EIF4E3: variants seen among roughly 807,000 people sequenced by gnomAD.
The protein encoded by EIF4E3 is eukaryotic translation initiation factor 4E family member 3, also known as eukaryotic translation initiation factor 4E type 3.
A neutral mutation model predicts 31.7 loss-of-function variants in EIF4E3; 26 were observed. The ratio of observed to expected loss-of-function variants is 0.82; its 90% CI spans 0.60 to 1.14. EIF4E3 has a LOEUF of 1.14. Among genes scored for constraint, EIF4E3 ranks in the 50% most tolerant of loss-of-function variants. EIF4E3 has a pLI of 0.00. For synonymous variants in EIF4E3, 128 were observed against 107.7 expected (o/e 1.19, Z -1.17); for missense variants, 304 against 270.9 (o/e 1.12, Z -0.86).
chr3:71,722,160 T>C (rs772498733), intron 1 of EIF4E3, among the ~76,000 whole-genome samples: 3 of 152,116 alleles, frequency 2.0e-5, no homozygotes, highest in South Asian at 2.1e-4. Context: ...ACTGGAAGGA[T>C]AGACTTGCTC....
chr3:71,719,267 T>C (rs1445442519), intron 1 of EIF4E3, among the ~76,000 whole-genome samples: 2 of 152,182 alleles, frequency 1.3e-5, no homozygotes, highest in African/African-American at 4.8e-5. Context: ...GACTGGTAAA[T>C]AATATACTCA....
At chr3:71,666,013 G>A in the EIF4E3 span, among the ~76,000 whole-genome samples, 3 of 152,076 alleles carry the variant, frequency 2.0e-5, no homozygotes, top group Non-Finnish European at 2.9e-5. Context: ...ACCTAAAATC[G>A]ACACCCTAAC....
At chr3:71,749,029 G>A (rs1421673071) in intron 1 of EIF4E3, among the ~76,000 whole-genome samples, 1 of 152,232 alleles carries the variant, frequency 6.6e-6, no homozygotes, top group East Asian at 1.9e-4. Flanking sequence ...TTAAATCATG[G>A]TTAGCCAAGA....
At chr3:71,717,818 A>C (rs962511697) in intron 1 of EIF4E3, among the ~76,000 whole-genome samples, 2 of 152,326 alleles carry the variant, frequency 1.3e-5, no homozygotes, top group Non-Finnish European at 2.9e-5. Context: ...GATATATCCT[A>C]CTTCAATAAT....
At chr3:71,690,950 C>A (rs2049055583) in intron 5 of EIF4E3, among the ~76,000 whole-genome samples, 1 of 152,094 alleles carries the variant, frequency 6.6e-6, no homozygotes, top group Non-Finnish European at 1.5e-5. Context: ...TTTTAAAAAA[C>A]AAAATTCCAG....
chr3:71,706,337 G>A (rs17008958), intron 2 of EIF4E3, among the ~76,000 whole-genome samples: 22,013 of 152,110 alleles, frequency 0.14, 1,732 homozygotes, highest in East Asian at 0.37. Context: ...ACGGGGTAAC[G>A]ATTCCTCTCC....
upstream of EIF4E3, chr3:71,754,203 GC>G: frequency 7.1e-7 from 1 of 1,410,300 alleles, no homozygotes; most frequent in Non-Finnish European, 9.4e-7. The surrounding 1 kb of genome is among the most constrained non-coding windows in gnomAD (Gnocchi z 5.8). Flanking sequence ...CCTGCACCGC[GC>G]CCCGTACTAC....
Position 71,677,103 on chromosome 3 carries a change from G to A in EIF4E3, c.*7579C>T, listed in dbSNP as rs932099340. 2 of 152,140 alleles carry A rather than the reference G, an allele frequency of 1.3e-5. No homozygotes were observed. The highest frequency in any genetic ancestry group is 2.1e-4 in the South Asian group (1 of 4,838). 9.4% of individuals were successfully genotyped at this position (152,140 alleles called of 1,614,324 possible). ...TGGTACCAGAGTTCAACATGCTTAC[G>A]ATTATAAAGAATTTATGATTTATGC... On this transcript the variant is annotated 3_prime_UTR_variant, in exon 7 of 7. Transcript: ENST00000425534.
At position 71,690,028 on chromosome 3, in the gene EIF4E3, TAA is replaced by T. The variant is rs989786658; in HGVS notation, c.608_609del (p.Phe203Ter). On this transcript the variant is annotated frameshift_variant, in exon 6 of 7. Transcript: ENST00000425534. LOFTEE classifies it high-confidence loss of function. The stretch of plus-strand genomic sequence containing the variant: ...CACTTACGTTTATAAAATACTGCTT[TAA>T]AAGTTATGTGGGGCAGAAGTTCATA... ...KIYELLPHIT[F>X]KAVFYKPHEE... 6.2e-7 allele frequency: 1 copy of T among 1,612,590 alleles called. No individual in the cohort carries two copies. The highest frequency in any genetic ancestry group is 8.5e-7 in the Non-Finnish European group (1 of 1,179,358).
At chr3:71,728,732 G>C (rs1277400482), upstream of EIF4E3, 1 of 152,594 alleles carries the variant, frequency 6.6e-6, no homozygotes, top group African/African-American at 2.4e-5. Flanking sequence ...AGGCAACTTG[G>C]GCAGGGTGCC....
At chr3:71,691,517 T>A (rs1020777015) in intron 5 of EIF4E3, among the ~76,000 whole-genome samples, 1 of 152,092 alleles carries the variant, frequency 6.6e-6, no homozygotes, top group Non-Finnish European at 1.5e-5. Context: ...CCAGGGAAAA[T>A]TAGCCTATAA....
the EIF4E3 span, among the ~76,000 whole-genome samples, chr3:71,662,425 A>G: frequency 6.6e-6 from 1 of 152,242 alleles, no homozygotes; most frequent in Non-Finnish European, 1.5e-5. Flanking sequence ...ACACAAACAC[A>G]TTTTGTAAAC....
intron 1 of EIF4E3, among the ~76,000 whole-genome samples, chr3:71,724,433 G>C (rs1559607607): frequency 6.6e-6 from 1 of 152,176 alleles, no homozygotes; most frequent in Non-Finnish European, 1.5e-5. Flanking sequence ...AGAAAAAGAA[G>C]GCAGGGCAGG....
In EIF4E3 at chr3:71,696,746, C is replaced by T. The variant is rs1330638282; in HGVS notation, c.345-226G>A. ...TTTTTTTTTTTTTTTGAGACAGGCT[C>T]GCTCTGTCACCCAGGCTGGAGTGCA... On this transcript the variant is annotated intron_variant, in intron 3 of 6. Transcript: ENST00000425534. 2.8e-5 allele frequency among the ~76,000 whole-genome samples: 4 copies of T among 144,074 alleles called. No individual in the cohort carries two copies. In the East Asian group the frequency reaches 7.9e-4, roughly 28 times the overall value. The allele number at this position is 144,074 out of a possible 152,430, so 94.5% of individuals were successfully genotyped here. A position where few individuals can be genotyped will look rare whatever the true frequency, so the allele number is the denominator to read the frequency against.
At chr3:71,744,765 G>A (rs568957220) in intron 1 of EIF4E3, among the ~76,000 whole-genome samples, 1 of 152,246 alleles carries the variant, frequency 6.6e-6, no homozygotes, top group South Asian at 2.1e-4. Context: ...ATATATTTAC[G>A]TCCAAAGCAG....
intron 3 of EIF4E3, 88 bp downstream of exon 3, chr3:71,699,526 G>T: frequency 8.4e-7 from 1 of 1,193,506 alleles, no homozygotes; most frequent in Non-Finnish European, 1.2e-6. Flanking sequence ...GTCCATGTGA[G>T]ACACACATCT....
In EIF4E3 at chr3:71,684,534, T is replaced by G. The variant is rs546180609; in HGVS notation, c.*148A>C. ...TCTCCCCCCACCCCACCTGCCACTTTGAGTCCTAATTGCCCATCTGCAAGG... is the reference window on the plus strand; with the variant it reads ...TCTCCCCCCACCCCACCTGCCACTTGGAGTCCTAATTGCCCATCTGCAAGG... On this transcript the variant is annotated 3_prime_UTR_variant, in exon 7 of 7. Coordinates refer to ENST00000425534, the MANE Select transcript of EIF4E3 (RefSeq NM_001134651.2). 9 of 690,672 alleles carry G rather than the reference T, an allele frequency of 1.3e-5. No homozygotes were observed. The South Asian group carries it at 2.0e-4, about 15-fold the overall frequency. 42.8% of individuals were successfully genotyped at this position (690,672 alleles called of 1,614,324 possible).
At chr3:71,689,687 T>A (rs1482866055) in intron 6 of EIF4E3, among the ~76,000 whole-genome samples, 1 of 152,216 alleles carries the variant, frequency 6.6e-6, no homozygotes, top group Non-Finnish European at 1.5e-5. Context: ...ATTTTTGTTA[T>A]TGTTGTTTCC....
chr3:71,731,469 T>C (rs1478300912), intron 1 of EIF4E3, among the ~76,000 whole-genome samples: 1 of 152,136 alleles, frequency 6.6e-6, no homozygotes, highest in Non-Finnish European at 1.5e-5. Context: ...TCAGTGCACG[T>C]GTCAGCTGCA....
Sources: gnomAD v4.1 joint callset for allele counts (sites outside exome capture counted in the v4.1 genomes callset) on GRCh38, gnomAD v4.1.1 for gene constraint, Gnocchi (gnomAD v3.1) non-coding constraint, MANE v1.5 for transcripts, NCBI Gene and HGNC (gene_info 2026-07-23, HGNC 2026-07-21) for gene names.